The following PRKG1 variants were observed in gnomAD, a reference collection of about 807,000 sequenced individuals.
PRKG1 encodes the protein protein kinase cGMP-dependent 1.
Under a neutral mutation model 88.1 loss-of-function variants are expected in PRKG1, and 35 were observed. The ratio of observed to expected loss-of-function variants is 0.40; its 90% confidence interval spans 0.30 to 0.53. PRKG1 has a LOEUF of 0.53. PRKG1 is among the 20% of genes least tolerant of loss of function. The probability of loss-of-function intolerance (pLI) is 0.59; values close to 1 mark genes in which losing one functional copy is unlikely to be tolerated. For missense variants in PRKG1, 540 were observed against 839.8 expected (o/e 0.64, Z 4.41); for synonymous variants, 303 against 292.5 (o/e 1.04, Z -0.37).
chr10:52,242,261 A>C (rs1194501), intron 9 of PRKG1: 37,927 of 151,974 alleles, frequency 0.25, 5,003 homozygotes, highest in Admixed American at 0.28. Context: ...AAAGCAAACA[A>C]CTCAGGACTG....
chr10:51,275,051 A>G (rs144504495), intron 2 of PRKG1, among the ~76,000 whole-genome samples: 54 of 152,360 alleles, frequency 3.5e-4, no homozygotes, highest in Middle Eastern at 3.4e-3. Flanking sequence ...TGAATGACTC[A>G]GTCTTTCTAA....
At chr10:52,100,741 A>C (rs1847275778) in intron 7 of PRKG1, among the ~76,000 whole-genome samples, 1 of 152,218 alleles carries the variant, frequency 6.6e-6, no homozygotes, top group Non-Finnish European at 1.5e-5. Context: ...GTTTCATAGA[A>C]TCTATGGTAT....
intron 4 of PRKG1, among the ~76,000 whole-genome samples, chr10:51,824,148 A>G (rs928241593): frequency 1.3e-5 from 2 of 152,098 alleles, no homozygotes; most frequent in African/African-American, 4.8e-5. Context: ...TTCTAGGACT[A>G]TAGGCGAGGG....
At chr10:51,626,470 C>T (rs987733988) in intron 3 of PRKG1, among the ~76,000 whole-genome samples, 6 of 152,114 alleles carry the variant, frequency 3.9e-5, no homozygotes, top group African/African-American at 7.2e-5. Flanking sequence ...TTAAAATAAT[C>T]GTTGAAAGTT....
chr10:51,471,412 A>G (rs574233447), intron 3 of PRKG1, among the ~76,000 whole-genome samples: 11 of 151,976 alleles, frequency 7.2e-5, no homozygotes, highest in African/African-American at 2.4e-4. Context: ...AATGTCTCAC[A>G]TGTTGTTTGA....
chr10:51,636,480 A>G lies in PRKG1; in HGVS notation c.593-168105A>G, dbSNP rs1333788414. On this transcript the variant is annotated intron_variant, in intron 3 of 17. Coordinates refer to ENST00000373980, the MANE Select transcript of PRKG1 (RefSeq NM_006258.4). Reference sequence around the variant, plus strand: ...AAGAGTAAGCTGACCGATATTAAACATCTCCATGAGAACACAGCTATGTGA... The same window carrying G: ...AAGAGTAAGCTGACCGATATTAAACGTCTCCATGAGAACACAGCTATGTGA... Among the ~76,000 whole-genome samples the G allele has an allele frequency of 2.6e-5, 4 of 152,348 alleles. No homozygotes were observed. The East Asian group carries it at 7.7e-4, about 29-fold the overall frequency.
chr10:51,140,657 T>C (rs1845798430), intron 1 of PRKG1, among the ~76,000 whole-genome samples: 1 of 152,152 alleles, frequency 6.6e-6, no homozygotes, highest in Non-Finnish European at 1.5e-5. Context: ...GCTCTCCTCC[T>C]TGTACTAGAC....
chr10:51,170,970 G>A (rs1322516672), intron 2 of PRKG1, among the ~76,000 whole-genome samples: 8 of 152,082 alleles, frequency 5.3e-5, no homozygotes, highest in Non-Finnish European at 8.8e-5. Flanking sequence ...CTGGTACCAA[G>A]CACACATATC....
intron 5 of PRKG1, among the ~76,000 whole-genome samples, chr10:51,922,177 A>T (rs1435255950): frequency 6.6e-6 from 1 of 151,704 alleles, no homozygotes; most frequent in East Asian, 1.9e-4. Flanking sequence ...CTAAATTATA[A>T]ACAATTTAGA....
intron 5 of PRKG1, among the ~76,000 whole-genome samples, chr10:51,972,867 T>G (rs1300361441): frequency 6.6e-6 from 1 of 152,158 alleles, no homozygotes; most frequent in African/African-American, 2.4e-5. Context: ...ACATTTTGTA[T>G]TTTTGCCACT....
chr10:51,521,574 C>T lies in PRKG1; in HGVS notation c.592+53738C>T, dbSNP rs545565528. Among the ~76,000 whole-genome samples, 10 of 152,126 alleles carry T rather than the reference C, an allele frequency of 6.6e-5. 1 individual carries two copies. The South Asian group carries it at 1.7e-3, about 25-fold the overall frequency. On this transcript the variant is annotated intron_variant, in intron 3 of 17. Transcript: ENST00000373980. ...GCCCAAAATACACTTTAAAACAATA[C>T]AGAACGTAGCCAAGGGAAAATAACA...
intron 5 of PRKG1, among the ~76,000 whole-genome samples, chr10:51,992,740 C>A (rs1161015873): frequency 3.3e-5 from 5 of 152,164 alleles, no homozygotes; most frequent in Non-Finnish European, 7.3e-5. Flanking sequence ...TGTATGTCTG[C>A]ATATGTGTGC....
At chr10:51,181,432 G>A (rs1837343914) in intron 2 of PRKG1, among the ~76,000 whole-genome samples, 1 of 149,206 alleles carries the variant, frequency 6.7e-6, no homozygotes, top group African/African-American at 2.5e-5. Flanking sequence ...TAGTAGAGAC[G>A]GGGTTTCACC....
At chr10:51,144,564 T>C (rs1845895575) in intron 1 of PRKG1, among the ~76,000 whole-genome samples, 1 of 152,128 alleles carries the variant, frequency 6.6e-6, no homozygotes, top group African/African-American at 2.4e-5. Context: ...CAGTATTGGG[T>C]TAATTTTTCA....
intron 1 of PRKG1, among the ~76,000 whole-genome samples, chr10:50,992,001 C>A (rs1443681288): frequency 1.3e-5 from 2 of 152,028 alleles, no homozygotes; most frequent in African/African-American, 4.8e-5. Context: ...CTGGGAGCGT[C>A]CACGCAGGGA....
At chr10:52,059,934 A>G (rs978874453) in intron 6 of PRKG1, among the ~76,000 whole-genome samples, 8 of 151,904 alleles carry the variant, frequency 5.3e-5, no homozygotes, top group African/African-American at 1.9e-4. Context: ...TAAGAAGAAA[A>G]TTGTATTTAA....
At chr10:51,167,476 TTTAAG>T (rs1846579464) in intron 2 of PRKG1, among the ~76,000 whole-genome samples, 1 of 151,720 alleles carries the variant, frequency 6.6e-6, no homozygotes, top group Non-Finnish European at 1.5e-5. Context: ...ATTAGAGGAG[TTTAAG>T]TTGAGATGAG....
At chr10:52,197,058 A>G (rs1475576383) in intron 9 of PRKG1, among the ~76,000 whole-genome samples, 1 of 152,244 alleles carries the variant, frequency 6.6e-6, no homozygotes. Context: ...CAATTTTATT[A>G]GGAAAACACT....
intron 1 of PRKG1, among the ~76,000 whole-genome samples, chr10:51,046,126 A>G (rs1843485758): frequency 1.3e-5 from 2 of 152,236 alleles, no homozygotes. Flanking sequence ...AGCATGTGAA[A>G]ACTTCTTCCA....
Sources: allele counts gnomAD v4.1 joint callset (sites outside exome capture counted in the v4.1 genomes callset), GRCh38; gene constraint gnomAD v4.1.1; transcripts MANE v1.5; gene names NCBI Gene and HGNC (gene_info 2026-07-23, HGNC 2026-07-21).